The following RAB3GAP1 variants were observed in gnomAD, a reference collection of about 807,000 sequenced individuals.
RAB3GAP1 encodes the protein RAB3 GTPase activating protein catalytic subunit 1.
Under a neutral mutation model 130.7 loss-of-function variants are expected in RAB3GAP1, and 86 were observed. The observed-to-expected ratio is 0.66, with a 90% CI of 0.55 to 0.79. RAB3GAP1 has a LOEUF of 0.79. Among genes scored for constraint, RAB3GAP1 ranks in the 30% least tolerant of loss-of-function variants. The pLI, the probability that RAB3GAP1 is intolerant of heterozygous loss-of-function variation, is 0.00. For synonymous variants in RAB3GAP1, 367 were observed against 401.7 expected (o/e 0.91, Z 1.03); for missense variants, 1,029 against 1,169.4 (o/e 0.88, Z 1.75).
intron 4 of RAB3GAP1, among the ~76,000 whole-genome samples, chr2:135,092,211 A>G (rs930710642): frequency 6.6e-6 from 1 of 152,160 alleles, no homozygotes; most frequent in Admixed American, 6.5e-5. Context: ...AGGAAGAGGG[A>G]AGTGTGCGCA....
At chr2:135,120,136 CT>C (rs1394798282) in intron 7 of RAB3GAP1, among the ~76,000 whole-genome samples, 2 of 152,118 alleles carry the variant, frequency 1.3e-5, no homozygotes, top group Admixed American at 6.5e-5. Context: ...CTTTATAATA[CT>C]TTTACTTATT....
chr2:135,146,996 A>T (rs1301901423), intron 17 of RAB3GAP1, among the ~76,000 whole-genome samples: 1 of 151,860 alleles, frequency 6.6e-6, no homozygotes, highest in Non-Finnish European at 1.5e-5. Context: ...ACACACACAC[A>T]CACGAAAATT....
At chr2:135,152,159 G>C (rs1294877165) in intron 18 of RAB3GAP1, among the ~76,000 whole-genome samples, 1 of 152,240 alleles carries the variant, frequency 6.6e-6, no homozygotes. Context: ...TTTACTTTTT[G>C]TATAGGGATG....
At chr2:135,092,287 A>G (rs893015121) in intron 4 of RAB3GAP1, among the ~76,000 whole-genome samples, 2 of 152,204 alleles carry the variant, frequency 1.3e-5, no homozygotes, top group African/African-American at 4.8e-5. Flanking sequence ...TTAATGAAGG[A>G]AACTATTCAA....
chr2:135,129,957 T>C (rs753700828), intron 11 of RAB3GAP1, 38 bp from the exon 12 acceptor site: 82 of 1,305,292 alleles, frequency 6.3e-5, no homozygotes, highest in Non-Finnish European at 7.5e-5. Flanking sequence ...TTTTTTTTTT[T>C]CAGTTAAGTG....
intron 5 of RAB3GAP1, among the ~76,000 whole-genome samples, chr2:135,110,055 G>A (rs927168366): frequency 2.6e-5 from 4 of 151,884 alleles, no homozygotes; most frequent in African/African-American, 4.8e-5. Flanking sequence ...TAGACCTATT[G>A]GGGAAAAAGT....
chr2:135,058,856 ATAT>A (rs1191275318), intron 3 of RAB3GAP1: 1 of 152,154 alleles, frequency 6.6e-6, no homozygotes, highest in Non-Finnish European at 1.5e-5. Flanking sequence ...TTACAACTCA[ATAT>A]TACTAACTCA....
At chr2:135,119,078 C>T (rs571665953) in intron 7 of RAB3GAP1, among the ~76,000 whole-genome samples, 69 of 138,660 alleles carry the variant, frequency 5.0e-4, no homozygotes, top group African/African-American at 1.7e-3. Context: ...CTTCCTCCCT[C>T]CCTCCCTCCC....
chr2:135,130,822 A>G, intron 13 of RAB3GAP1, 101 bp downstream of exon 13: 1 of 1,108,538 alleles, frequency 9.0e-7, no homozygotes, highest in South Asian at 1.4e-5. Context: ...GGAATATACA[A>G]TGAGTAAAAC....
chr2:135,135,376 A>T, intron 16 of RAB3GAP1, 57 bp downstream of exon 16: 1 of 1,518,054 alleles, frequency 6.6e-7, no homozygotes, highest in Non-Finnish European at 9.1e-7. Flanking sequence ...AGATTATTCT[A>T]ATACTAAATG....
chr2:135,150,561 C>T, intron 18 of RAB3GAP1, 55 bp downstream of exon 18: 1 of 1,607,288 alleles, frequency 6.2e-7, no homozygotes, highest in Non-Finnish European at 8.5e-7. Flanking sequence ...TGGGATGAAA[C>T]TGTGAAAATC....
chr2:135,145,446 C>T (rs2104969031), intron 17 of RAB3GAP1, among the ~76,000 whole-genome samples: 1 of 151,766 alleles, frequency 6.6e-6, no homozygotes, highest in South Asian at 2.1e-4. Context: ...AGTAATTATT[C>T]TAATTTTATG....
At chr2:135,105,135 C>T (rs1690556373) in intron 5 of RAB3GAP1, among the ~76,000 whole-genome samples, 1 of 151,850 alleles carries the variant, frequency 6.6e-6, no homozygotes, top group Non-Finnish European at 1.5e-5. Flanking sequence ...ATGGGACTCC[C>T]AGGTGAAGAG....
chr2:135,092,950 A>G (rs368091970), intron 4 of RAB3GAP1, among the ~76,000 whole-genome samples: 8 of 152,298 alleles, frequency 5.3e-5, no homozygotes, highest in South Asian at 2.1e-4. Flanking sequence ...AGCATTGTCT[A>G]TTGCTTTTGG....
chr2:135,125,775 A>AT (rs1048122842), intron 9 of RAB3GAP1, among the ~76,000 whole-genome samples: 3 of 151,940 alleles, frequency 2.0e-5, no homozygotes, highest in East Asian at 1.9e-4. Context: ...AAATTTATGG[A>AT]TTTTTTTTCT....
At chr2:135,072,991 A>T (rs553642242) in intron 3 of RAB3GAP1, among the ~76,000 whole-genome samples, 2 of 152,268 alleles carry the variant, frequency 1.3e-5, no homozygotes, top group South Asian at 2.1e-4. Context: ...CAGGGGTAGG[A>T]CTATGTAGGT....
rs80056711 is a variant in RAB3GAP1 at position 135,168,945 on chromosome 2, C to T, written c.*164C>T. The T allele has an allele frequency of 3.0e-4, 169 of 567,960 alleles. 3 individuals carry two copies. In the East Asian group the frequency reaches 6.1e-3, roughly 20 times the overall value. The allele number at this position is 567,960 out of a possible 1,614,324, so 35.2% of individuals were successfully genotyped here. On this transcript the variant is annotated 3_prime_UTR_variant, in exon 24 of 24. Transcript: ENST00000264158. Reference sequence around the variant, plus strand: ...AAGACTTCCCAGCACCAAGCTTGAGCTGTGTCGTTTCGTGGAGGGGGCAGC... The same window carrying T: ...AAGACTTCCCAGCACCAAGCTTGAGTTGTGTCGTTTCGTGGAGGGGGCAGC...
In RAB3GAP1 at chr2:135,147,615, T is replaced by C. The variant is rs867734169; in HGVS notation, c.1924-2754T>C. 5.4e-3 allele frequency among the ~76,000 whole-genome samples: 717 copies of C among 132,808 alleles called. 2 individuals are homozygous for C. Among genetic ancestry groups the C allele is most frequent in the Middle Eastern group, 0.02 (5 of 256 alleles). The allele number at this position is 132,808 out of a possible 152,430, so 87.1% of individuals were successfully genotyped here. A position where few individuals can be genotyped will look rare whatever the true frequency, so the allele number is the denominator to read the frequency against. ...CAGATTTTAATTAATAGTAGTCCCC[T>C]CCCCCCCCCTTTTTTTTTTGACTCG... On this transcript the variant is annotated intron_variant, in intron 17 of 23. Transcript: ENST00000264158.
intron 5 of RAB3GAP1, among the ~76,000 whole-genome samples, chr2:135,112,822 T>C (rs1317903431): frequency 1.5e-5 from 2 of 136,760 alleles, no homozygotes; most frequent in Admixed American, 7.5e-5. Flanking sequence ...AAAGTCTCTC[T>C]CTCTCTCTCT....
Sources: gnomAD v4.1 joint callset for allele counts (sites outside exome capture counted in the v4.1 genomes callset) on GRCh38, gnomAD v4.1.1 for gene constraint, MANE v1.5 for transcripts, NCBI Gene and HGNC (gene_info 2026-07-23, HGNC 2026-07-21) for gene names.